PKHD1L1: variants seen among roughly 807,000 people sequenced by gnomAD.
The protein encoded by PKHD1L1 is PKHD1 like 1.
PKHD1L1 carries 434 observed loss-of-function variants against 462.9 expected under a neutral mutation model. The observed-to-expected ratio is 0.94, with a 90% confidence interval of 0.87 to 1.02. The LOEUF (loss-of-function observed/expected upper bound fraction) is 1.02, where lower values mean the gene tolerates loss of function less well. Ranked by LOEUF, PKHD1L1 falls within the 50% of genes least tolerant of loss-of-function variation. The pLI is 0.00. For synonymous variants in PKHD1L1, 1,781 were observed against 1,750.0 expected, an observed-to-expected ratio of 1.02 and a Z score of -0.44; for missense variants, 5,202 against 5,096.1, an observed-to-expected ratio of 1.02 and a Z score of -0.63.
chr8:109,381,370 GT>G lies in PKHD1L1; in HGVS notation c.169del (p.Ser57LeufsTer21). Reference sequence around the variant, plus strand: ...TAATTAAGTCTTCTTACTTTTCCAGGTTTTTCTCAAGCAAACCAGTTTAACT... The same window carrying G: ...TAATTAAGTCTTCTTACTTTTCCAGGTTTTCTCAAGCAAACCAGTTTAACT... Reference protein sequence around the residue: ...GATRLTIRGEGFSQANQFNYG... With the variant: ...GATRLTIRGEXFSQANQFNYG... On this transcript the variant is annotated frameshift_variant and splice_region_variant, in exon 3 of 78. Transcript: ENST00000378402. LOFTEE classifies it high-confidence loss of function. The G allele has an allele frequency of 6.4e-7, 1 of 1,563,982 alleles. No individual in the cohort carries two copies. The highest frequency in any genetic ancestry group is 8.7e-7 in the Non-Finnish European group (1 of 1,152,684).
Position 109,498,791 on chromosome 8 carries a change from C to G in PKHD1L1, c.10828+20C>G. ...TCTCAGGCAAGTACACAGTCTTTTA[C>G]AAATCTTCTCAATTAATTTCTGTAA... On this transcript the variant is annotated intron_variant, in intron 67 of 77. Coordinates refer to ENST00000378402, the MANE Select transcript of PKHD1L1 (RefSeq NM_177531.6). The G allele has an allele frequency of 6.6e-7, 1 of 1,524,742 alleles. No homozygotes were observed. Among genetic ancestry groups the G allele is most frequent in the South Asian group, 1.2e-5 (1 of 85,174 alleles). 94.5% of individuals were successfully genotyped at this position (1,524,742 alleles called of 1,614,324 possible). A position where few individuals can be genotyped will look rare whatever the true frequency, so the allele number is the denominator to read the frequency against.
chr8:109,370,049 A>G (rs1338710124), intron 2 of PKHD1L1, among the ~76,000 whole-genome samples: 1 of 152,166 alleles, frequency 6.6e-6, no homozygotes, highest in Non-Finnish European at 1.5e-5. Context: ...CTAAGAACAT[A>G]AGGGCTGGAG....
At chr8:109,469,792 T>C (rs981101846) in intron 50 of PKHD1L1, among the ~76,000 whole-genome samples, 1 of 152,330 alleles carries the variant, frequency 6.6e-6, no homozygotes, top group South Asian at 2.1e-4. Context: ...AATGGAATGA[T>C]GTTACTTAAA....
At chr8:109,478,909 A>G (rs1818132354) in intron 53 of PKHD1L1, among the ~76,000 whole-genome samples, 1 of 152,054 alleles carries the variant, frequency 6.6e-6, no homozygotes, top group Non-Finnish European at 1.5e-5. Context: ...TACAAGACAA[A>G]ACAGAATCTT....
chr8:109,434,660 G>T (rs936949152), intron 28 of PKHD1L1, among the ~76,000 whole-genome samples: 1 of 151,910 alleles, frequency 6.6e-6, no homozygotes, highest in Non-Finnish European at 1.5e-5. Flanking sequence ...ATAGAGACAG[G>T]GTTTCACCAT....
chr8:109,405,246 G>A, intron 16 of PKHD1L1, 116 bp downstream of exon 16: 1 of 614,998 alleles, frequency 1.6e-6, no homozygotes, highest in Non-Finnish European at 2.5e-6. Context: ...TGATATGCTA[G>A]ACAAAGAAGC....
At chr8:109,378,071 A>G (rs1811928250) in intron 2 of PKHD1L1, among the ~76,000 whole-genome samples, 1 of 152,110 alleles carries the variant, frequency 6.6e-6, no homozygotes, top group Non-Finnish European at 1.5e-5. Context: ...AAAAATCATC[A>G]GCCTTCCCCT....
At chr8:109,500,449 G>A (rs1193878213) in intron 67 of PKHD1L1, among the ~76,000 whole-genome samples, 4 of 146,438 alleles carry the variant, frequency 2.7e-5, no homozygotes, top group African/African-American at 1.0e-4. Context: ...GGCCAAGGTG[G>A]ATGAATCATG....
chr8:109,536,061 T>C lies in PKHD1L1; in HGVS notation c.*5971T>C, dbSNP rs887165215. Among the ~76,000 whole-genome samples the C allele has an allele frequency of 6.6e-6, 1 of 152,136 alleles. No homozygotes were observed. The highest frequency in any genetic ancestry group is 1.5e-5 in the Non-Finnish European group (1 of 68,010). On this transcript the variant is annotated 3_prime_UTR_variant, in exon 78 of 78. Coordinates refer to ENST00000378402, the MANE Select transcript of PKHD1L1 (RefSeq NM_177531.6). ...CCCTCCCTGTTTCCCTTTGTTAATA[T>C]ATTGCTAGTAGACATGTCTACTTCT...
chr8:109,385,610 G>A lies in PKHD1L1; in HGVS notation c.549G>A (p.Gly183=), dbSNP rs1329747913. 2.5e-5 allele frequency: 40 copies of A among 1,595,060 alleles called. No homozygotes were observed. Among genetic ancestry groups the A allele is most frequent in the Non-Finnish European group, 3.3e-5 (38 of 1,165,892 alleles). ...YGSNIALSSN[G]KNVRILRVYI... ...GTAATATTGCACTAAGCTCAAATGG[G>A]AAAAATGTTAGGATTTTGAGGTAAT... The change falls in exon 6 of 78, where the codon GGG becomes GGA. Residue 183 remains glycine, a synonymous_variant. Coordinates refer to ENST00000378402, the MANE Select transcript of PKHD1L1 (RefSeq NM_177531.6).
intron 2 of PKHD1L1, 46 bp downstream of exon 2, chr8:109,364,682 T>C (rs1383676040): frequency 8.1e-7 from 1 of 1,240,742 alleles, no homozygotes; most frequent in Admixed American, 2.5e-5. Flanking sequence ...TTGAGGTATT[T>C]TCAAGCCTAT....
At chr8:109,375,729 C>T (rs2130374588) in intron 2 of PKHD1L1, among the ~76,000 whole-genome samples, 1 of 152,318 alleles carries the variant, frequency 6.6e-6, no homozygotes, top group East Asian at 1.9e-4. Flanking sequence ...AGTCAGGACC[C>T]TCAGCTACAG....
At chr8:109,460,901 A>C (rs947361757) in intron 47 of PKHD1L1, among the ~76,000 whole-genome samples, 2 of 152,148 alleles carry the variant, frequency 1.3e-5, no homozygotes, top group Non-Finnish European at 2.9e-5. Context: ...AGATTACTGG[A>C]AAGTAAAGCA....
Position 109,400,117 on chromosome 8 carries a change from C to A in PKHD1L1, c.1054C>A (p.Pro352Thr). ...GCTTGAGGTGTGGAATAATAGCCGT[C>A]CAATACGTTTGGAAGAGATACTGGA... ...LKLEVWNNSR[P>T]IRLEEILEYN... Residue 352 changes from proline to threonine, a missense_variant, in exon 13 of 78, where the codon CCA becomes ACA. By Grantham distance (38) the Pro-to-Thr change is conservative. Transcript: ENST00000378402. 6.2e-7 allele frequency: 1 copy of A among 1,613,516 alleles called. No homozygotes were observed.
chr8:109,382,062 T>C (rs941360291), intron 3 of PKHD1L1, among the ~76,000 whole-genome samples: 3 of 152,224 alleles, frequency 2.0e-5, no homozygotes, highest in African/African-American at 7.2e-5. Flanking sequence ...GCCTGTCGGC[T>C]GTTCTTCACC....
intron 2 of PKHD1L1, 72 bp downstream of exon 2, chr8:109,364,708 T>A: frequency 9.9e-7 from 1 of 1,007,664 alleles, no homozygotes. Context: ...ATTTAGAGCT[T>A]TATGGACAAA....
intron 2 of PKHD1L1, among the ~76,000 whole-genome samples, chr8:109,376,632 G>T (rs114049632): frequency 6.6e-6 from 1 of 152,116 alleles, no homozygotes; most frequent in Non-Finnish European, 1.5e-5. Flanking sequence ...CTATTAGGCC[G>T]TCTTGACTCC....
rs760168315 is a variant in PKHD1L1 at position 109,408,058 on chromosome 8, A to T, written c.1823A>T (p.Asp608Val). Residue 608 changes from aspartate to valine, a missense_variant, in exon 18 of 78, where the codon GAT becomes GTT. Asp to Val is a radical substitution (Grantham distance 152). Transcript: ENST00000378402. ...TGTCACTTAATTTCAGGAGACTTTG[A>T]TCTGCTTGGTTATGAAGTAGTTGAA... Reference protein sequence around the residue: ...VTFISTRGDFDLLGYEVVEGN... With the variant: ...VTFISTRGDFVLLGYEVVEGN... 9 of 1,596,550 alleles carry T rather than the reference A, an allele frequency of 5.6e-6. No individual in the cohort carries two copies. The highest frequency in any genetic ancestry group is 8.5e-7 in the Non-Finnish European group (1 of 1,170,230).
At chr8:109,488,832 A>G (rs1038580687) in intron 59 of PKHD1L1, among the ~76,000 whole-genome samples, 27 of 152,024 alleles carry the variant, frequency 1.8e-4, no homozygotes, top group African/African-American at 6.0e-4. Context: ...AAACACATAC[A>G]ATCTTATTTA....
Sources: allele counts gnomAD v4.1 joint callset (sites outside exome capture counted in the v4.1 genomes callset), GRCh38; gene constraint gnomAD v4.1.1; transcripts MANE v1.5; gene names NCBI Gene and HGNC (gene_info 2026-07-23, HGNC 2026-07-21).